Variants in MAML3 observed in about 807,000 individuals in gnomAD.
MAML3 encodes the protein mastermind like transcriptional coactivator 3.
Under a neutral mutation model 101.9 loss-of-function variants are expected in MAML3, and 27 were observed. The observed-to-expected ratio is 0.27, with a 90% CI of 0.20 to 0.37. MAML3 has a LOEUF of 0.37. MAML3 is among the 10% of genes least tolerant of loss of function. The pLI is 1.00. For missense variants in MAML3, 1,316 were observed against 1,444.9 expected (o/e 0.91, Z 1.45); for synonymous variants, 501 against 555.9 (o/e 0.90, Z 1.39).
intron 1 of MAML3, among the ~76,000 whole-genome samples, chr4:140,142,838 G>A (rs1199793463): frequency 6.6e-6 from 1 of 152,044 alleles, no homozygotes; most frequent in Admixed American, 6.5e-5. Flanking sequence ...TCTTTGTCTA[G>A]TTTCCTCTAA....
chr4:139,999,575 G>A (rs964745738), intron 1 of MAML3, among the ~76,000 whole-genome samples: 25 of 152,118 alleles, frequency 1.6e-4, no homozygotes, highest in African/African-American at 6.0e-4. Flanking sequence ...AAGATTTGTT[G>A]ACTTCCTTAC....
At chr4:139,841,686 A>AT (rs1731364100) in intron 2 of MAML3, among the ~76,000 whole-genome samples, 1 of 152,216 alleles carries the variant, frequency 6.6e-6, no homozygotes, top group South Asian at 2.1e-4. Flanking sequence ...AAAAATGAGC[A>AT]TCCTATCGCT....
intron 1 of MAML3, among the ~76,000 whole-genome samples, chr4:140,006,026 C>G (rs1160860200): frequency 6.6e-6 from 1 of 152,162 alleles, no homozygotes; most frequent in Non-Finnish European, 1.5e-5. Flanking sequence ...TATTCAGTCT[C>G]CTGACCTTGA....
chr4:140,038,023 C>A (rs1727017727), intron 1 of MAML3, among the ~76,000 whole-genome samples: 1 of 152,214 alleles, frequency 6.6e-6, no homozygotes, highest in Non-Finnish European at 1.5e-5. Flanking sequence ...GCTAAGATAT[C>A]TTCTGCAGAG....
intron 2 of MAML3, among the ~76,000 whole-genome samples, chr4:139,774,774 A>G (rs11931719): frequency 0.067 from 10,166 of 152,298 alleles, 771 homozygotes; most frequent in African/African-American, 0.18. Context: ...AGAATTTACT[A>G]CAAATGGCAG....
At chr4:140,089,214 T>G (rs1165236171) in intron 1 of MAML3, among the ~76,000 whole-genome samples, 1 of 152,210 alleles carries the variant, frequency 6.6e-6, no homozygotes, top group African/African-American at 2.4e-5. Context: ...TCCATATACT[T>G]TCTAAAGAAA....
At chr4:139,918,406 T>C (rs1733064890) in intron 1 of MAML3, among the ~76,000 whole-genome samples, 1 of 152,086 alleles carries the variant, frequency 6.6e-6, no homozygotes, top group Non-Finnish European at 1.5e-5. Context: ...CACCGGTGCT[T>C]CTCTCCACGT....
intron 1 of MAML3, among the ~76,000 whole-genome samples, chr4:139,952,966 A>AG (rs1733856806): frequency 1.3e-5 from 2 of 152,242 alleles, no homozygotes; most frequent in Non-Finnish European, 2.9e-5. Context: ...TGGATGACAG[A>AG]GAAAAAAACT....
rs10016293 is a variant in MAML3, at chr4:139,920,848, T to C, written c.469-29881A>G. 6.4e-3 allele frequency among the ~76,000 whole-genome samples: 972 copies of C among 152,304 alleles called. 12 individuals are homozygous for C. The highest frequency in any genetic ancestry group is 0.022 in the African/African-American group (907 of 41,568). On this transcript the variant is annotated intron_variant, in intron 1 of 4. Coordinates refer to ENST00000509479, the MANE Select transcript of MAML3 (RefSeq NM_018717.5). ...GCAGGAGCCCAGCTGGGGCCAGGGC[T>C]GCACACAGGGGGATTTAATCTCTGG...
chr4:140,133,232 C>G (rs759228216), intron 1 of MAML3: 1 of 340,552 alleles, frequency 2.9e-6, no homozygotes, highest in South Asian at 2.3e-5. Context: ...GTATGTAACT[C>G]TTTCCTGAAC....
chr4:140,017,984 G>C (rs1166432528), intron 1 of MAML3, among the ~76,000 whole-genome samples: 1 of 151,840 alleles, frequency 6.6e-6, no homozygotes, highest in Admixed American at 6.6e-5. Context: ...TGTGAATCTA[G>C]TTATCTCAAA....
intron 1 of MAML3, among the ~76,000 whole-genome samples, chr4:140,107,635 G>A (rs1443669451): frequency 6.6e-6 from 1 of 151,470 alleles, no homozygotes; most frequent in Non-Finnish European, 1.5e-5. Flanking sequence ...CTCCTGAGTA[G>A]CTGGGATTAC....
intron 1 of MAML3, among the ~76,000 whole-genome samples, chr4:140,151,694 G>A (rs1013380015): frequency 1.3e-5 from 2 of 149,998 alleles, no homozygotes; most frequent in South Asian, 2.2e-4. Flanking sequence ...GCGGTGCGGG[G>A]GGGGGGGGCA....
At chr4:140,003,496 T>G (rs765544872) in intron 1 of MAML3, among the ~76,000 whole-genome samples, 1 of 152,092 alleles carries the variant, frequency 6.6e-6, no homozygotes, top group East Asian at 1.9e-4. Flanking sequence ...GGGCCAAGGA[T>G]GATGTCCTTG....
chr4:140,035,070 A>G (rs1442002579), intron 1 of MAML3, among the ~76,000 whole-genome samples: 2 of 152,146 alleles, frequency 1.3e-5, no homozygotes, highest in African/African-American at 4.8e-5. Flanking sequence ...CCCAGGTACA[A>G]GCAATTCTCC....
At chr4:140,031,887 C>A (rs1726913184) in intron 1 of MAML3, among the ~76,000 whole-genome samples, 1 of 152,170 alleles carries the variant, frequency 6.6e-6, no homozygotes, top group Admixed American at 6.5e-5. Context: ...AATTCTCCTA[C>A]GTTTCTATTT....
chr4:139,736,158 TA>T (rs920921767), intron 2 of MAML3, among the ~76,000 whole-genome samples: 2 of 151,868 alleles, frequency 1.3e-5, no homozygotes, highest in Non-Finnish European at 2.9e-5. Flanking sequence ...TTGGGTCAAG[TA>T]AAAAAAAATT....
intron 1 of MAML3, among the ~76,000 whole-genome samples, chr4:140,049,791 C>T (rs184531516): frequency 3.5e-4 from 53 of 151,906 alleles, no homozygotes; most frequent in Admixed American, 1.6e-3. Flanking sequence ...TGAGTTTACT[C>T]GGTTTTACTT....
chr4:139,830,836 G>A (rs750679734), intron 2 of MAML3, among the ~76,000 whole-genome samples: 1 of 152,072 alleles, frequency 6.6e-6, no homozygotes. Context: ...CAAAATTGGG[G>A]AGTGATCCCA....
Sources: gnomAD v4.1 joint callset for allele counts (sites outside exome capture counted in the v4.1 genomes callset) on GRCh38, gnomAD v4.1.1 for gene constraint, MANE v1.5 for transcripts, NCBI Gene and HGNC (gene_info 2026-07-23, HGNC 2026-07-21) for gene names.